The following NRXN3 variants were observed in gnomAD, a reference collection of about 807,000 sequenced individuals.
NRXN3 encodes neurexin III.
A neutral mutation model predicts 137.6 loss-of-function variants in NRXN3; 32 were observed. The ratio of observed to expected loss-of-function variants is 0.23; its 90% confidence interval spans 0.18 to 0.31. The LOEUF is 0.31. NRXN3 is among the 10% of genes least tolerant of loss of function. NRXN3 has a pLI of 1.00. For missense variants in NRXN3, 1,574 were observed against 2,062.5 expected, an observed-to-expected ratio of 0.76 and a Z score of 4.59; for synonymous variants, 798 against 784.5, an observed-to-expected ratio of 1.02 and a Z score of -0.29.
intron 4 of NRXN3, among the ~76,000 whole-genome samples, chr14:78,503,888 T>A (rs1435392777): frequency 6.6e-6 from 1 of 152,198 alleles, no homozygotes; most frequent in Non-Finnish European, 1.5e-5. Flanking sequence ...CGTGATAAGT[T>A]ACATAGTTAC....
intron 15 of NRXN3, among the ~76,000 whole-genome samples, chr14:79,337,366 C>T (rs1598865681): frequency 6.6e-6 from 1 of 152,140 alleles, no homozygotes; most frequent in South Asian, 2.1e-4. Flanking sequence ...GTTGTTTGAA[C>T]CAATCAGATG....
intron 15 of NRXN3, among the ~76,000 whole-genome samples, chr14:79,401,871 G>A (rs1053045510): frequency 6.6e-6 from 1 of 150,644 alleles, no homozygotes; most frequent in African/African-American, 2.4e-5. Context: ...AAAACAATGA[G>A]TATTGTTACT....
intron 4 of NRXN3, among the ~76,000 whole-genome samples, chr14:78,368,489 C>T (rs1044521320): frequency 2.0e-5 from 3 of 152,064 alleles, no homozygotes; most frequent in African/African-American, 7.2e-5. Flanking sequence ...GGTGGGAGTT[C>T]GAGAACAGCC....
intron 15 of NRXN3, among the ~76,000 whole-genome samples, chr14:79,315,662 A>C (rs1046275921): frequency 6.6e-6 from 1 of 152,208 alleles, no homozygotes; most frequent in South Asian, 2.1e-4. Flanking sequence ...GGCAAAACTT[A>C]TGTAGTTTTT....
At chr14:79,544,391 G>T (rs2097300508) in intron 16 of NRXN3, among the ~76,000 whole-genome samples, 1 of 152,198 alleles carries the variant, frequency 6.6e-6, no homozygotes, top group Non-Finnish European at 1.5e-5. Context: ...AGTGCAGTGG[G>T]CCCTGAGAAG....
chr14:78,241,066 G>A (rs983775116), intron 1 of NRXN3, among the ~76,000 whole-genome samples: 1 of 152,108 alleles, frequency 6.6e-6, no homozygotes, highest in Non-Finnish European at 1.5e-5. Context: ...ATTTCTAACT[G>A]TTTCTACATC....
At chr14:78,452,151 T>C in intron 4 of NRXN3, among the ~76,000 whole-genome samples, 1 of 152,278 alleles carries the variant, frequency 6.6e-6, no homozygotes, top group South Asian at 2.1e-4. Flanking sequence ...CCGGTGGTAC[T>C]GATATTATGA....
rs531907763 is a variant in NRXN3 at position 79,409,209 on chromosome 14, C to T, written c.3263-58012C>T. ...TTTTCAATTAACAAAGTAACAGGAG[C>T]TCAGGGTAGCATGTGATATATATAT... is the stretch of plus-strand genomic sequence containing the variant. On this transcript the variant is annotated intron_variant, in intron 15 of 20. Transcript: ENST00000335750. 3.3e-5 allele frequency among the ~76,000 whole-genome samples: 5 copies of T among 151,910 alleles called. No homozygotes were observed. The East Asian group carries it at 9.8e-4, about 30-fold the overall frequency.
At chr14:79,080,216 C>A (rs1256700094) in intron 15 of NRXN3, among the ~76,000 whole-genome samples, 3 of 152,218 alleles carry the variant, frequency 2.0e-5, no homozygotes, top group South Asian at 4.1e-4. Flanking sequence ...CACTTTAAGG[C>A]CCCTGGGTTC....
At chr14:78,878,637 G>T (rs1284353590) in intron 10 of NRXN3, among the ~76,000 whole-genome samples, 3 of 152,098 alleles carry the variant, frequency 2.0e-5, no homozygotes, top group African/African-American at 7.2e-5. Flanking sequence ...TTTGAAATAT[G>T]TATACACTAG....
At chr14:78,225,801 G>A (rs1178704336) in intron 1 of NRXN3, among the ~76,000 whole-genome samples, 2 of 152,124 alleles carry the variant, frequency 1.3e-5, no homozygotes, top group African/African-American at 4.8e-5. Flanking sequence ...CCCTGTGGCC[G>A]GGTCTAGCAA....
chr14:78,315,947 A>G (rs1882816), intron 4 of NRXN3, among the ~76,000 whole-genome samples: 104,700 of 152,046 alleles, frequency 0.69, 36,400 homozygotes, highest in Middle Eastern at 0.81. Flanking sequence ...TACGCATAGT[A>G]ACCATTACCT....
At chr14:78,700,961 G>A (rs1373888647) in intron 6 of NRXN3, among the ~76,000 whole-genome samples, 1 of 151,956 alleles carries the variant, frequency 6.6e-6, no homozygotes, top group Non-Finnish European at 1.5e-5. Flanking sequence ...TAGTAGGGAC[G>A]GGGTTTCACC....
chr14:79,847,810 T>C (rs952001929), intron 20 of NRXN3, among the ~76,000 whole-genome samples: 5 of 151,970 alleles, frequency 3.3e-5, no homozygotes, highest in African/African-American at 1.2e-4. Flanking sequence ...CTTAGCTCCT[T>C]TCTCCCAACG....
intron 20 of NRXN3, among the ~76,000 whole-genome samples, chr14:79,847,556 A>G (rs992802862): frequency 3.3e-5 from 5 of 152,162 alleles, no homozygotes; most frequent in African/African-American, 1.2e-4. Context: ...ATTTTGTCCT[A>G]ACTCATGAAA....
chr14:79,202,094 A>G (rs576914289), intron 15 of NRXN3, among the ~76,000 whole-genome samples: 2 of 150,462 alleles, frequency 1.3e-5, no homozygotes, highest in South Asian at 4.2e-4. Flanking sequence ...TTTTTCCTCA[A>G]TCAATTGAGG....
At chr14:79,348,459 T>C (rs1389563969) in intron 15 of NRXN3, among the ~76,000 whole-genome samples, 4 of 150,344 alleles carry the variant, frequency 2.7e-5, no homozygotes, top group African/African-American at 9.8e-5. Flanking sequence ...CACTGCAAGC[T>C]CCGCCTCCCG....
chr14:78,223,617 C>G (rs1468445958), intron 1 of NRXN3, among the ~76,000 whole-genome samples: 1 of 152,112 alleles, frequency 6.6e-6, no homozygotes, highest in Non-Finnish European at 1.5e-5. Context: ...TTGGGTTGTG[C>G]CTGTTCTTCT....
intron 4 of NRXN3, among the ~76,000 whole-genome samples, chr14:78,473,596 T>C (rs2095324191): frequency 6.6e-6 from 1 of 152,192 alleles, no homozygotes; most frequent in African/African-American, 2.4e-5. Flanking sequence ...ATGTAGCAAA[T>C]CACCATGAAA....
Sources: allele counts gnomAD v4.1 joint callset (sites outside exome capture counted in the v4.1 genomes callset), GRCh38; gene constraint gnomAD v4.1.1; transcripts MANE v1.5; gene names NCBI Gene and HGNC (gene_info 2026-07-23, HGNC 2026-07-21).